DNAJC1: variants seen among roughly 807,000 people sequenced by gnomAD.
The protein encoded by DNAJC1 is DnaJ heat shock protein family (Hsp40) member C1, also known as dnaJ homolog subfamily C member 1.
In DNAJC1, 58 loss-of-function variants were observed where a neutral mutation model predicts 76.6. That is an observed-to-expected ratio of 0.76 (90% CI 0.61 to 0.94). DNAJC1 has a LOEUF of 0.94. Among genes scored for constraint, DNAJC1 ranks in the 40% least tolerant of loss-of-function variants. DNAJC1 has a pLI of 0.00. For synonymous variants in DNAJC1, 258 were observed against 267.9 expected (o/e 0.96, Z 0.36); for missense variants, 689 against 677.3 (o/e 1.02, Z -0.19).
intron 1 of DNAJC1, among the ~76,000 whole-genome samples, chr10:21,969,486 A>G (rs971957416): frequency 3.9e-5 from 6 of 152,206 alleles, no homozygotes; most frequent in Non-Finnish European, 2.9e-5. Context: ...ACTGAACACC[A>G]ATGACTGAGT....
At chr10:21,817,285 C>T (rs890152613) in intron 8 of DNAJC1, among the ~76,000 whole-genome samples, 3 of 151,276 alleles carry the variant, frequency 2.0e-5, no homozygotes, top group Non-Finnish European at 4.4e-5. Flanking sequence ...GTTTAAGATG[C>T]TCATCACAGC....
chr10:21,950,104 C>T (rs750733886), intron 1 of DNAJC1, among the ~76,000 whole-genome samples: 2 of 151,758 alleles, frequency 1.3e-5, no homozygotes, highest in Non-Finnish European at 2.9e-5. Flanking sequence ...TGGCACAATC[C>T]ACCTCACTTT....
intron 1 of DNAJC1, among the ~76,000 whole-genome samples, chr10:21,986,408 CTAT>C (rs1472138234): frequency 6.6e-6 from 1 of 152,234 alleles, no homozygotes; most frequent in Non-Finnish European, 1.5e-5. Flanking sequence ...ATAACTACTA[CTAT>C]TGAGTACCTT....
rs144529499 is a variant in DNAJC1, at chr10:21,887,517, T to C, written c.821-5078A>G. On this transcript the variant is annotated intron_variant, in intron 7 of 11. Coordinates refer to ENST00000376980, the MANE Select transcript of DNAJC1 (RefSeq NM_022365.4). ...ACAGGGCTACATAACCAAAACAGCA[T>C]GGTACTGGTACAAAAACAGGCACAT... Among the ~76,000 whole-genome samples, 280 of 152,224 alleles carry C rather than the reference T, an allele frequency of 1.8e-3. 1 individual carries two copies. The highest frequency in any genetic ancestry group is 6.2e-3 in the African/African-American group (259 of 41,544).
chr10:21,837,515 G>C (rs1369119363), intron 8 of DNAJC1, among the ~76,000 whole-genome samples: 4 of 151,430 alleles, frequency 2.6e-5, no homozygotes, highest in South Asian at 4.2e-4. Flanking sequence ...GAGCGCCTCT[G>C]CCCCACTGCC....
chr10:21,862,060 A>G (rs1176561316), intron 8 of DNAJC1, among the ~76,000 whole-genome samples: 2 of 152,004 alleles, frequency 1.3e-5, no homozygotes, highest in African/African-American at 4.8e-5. Context: ...CTAGGATTAC[A>G]GGCATGCACC....
rs186830962 is a variant in DNAJC1 at position 21,912,539 on chromosome 10, G to A, written c.729+6240C>T. Among the ~76,000 whole-genome samples, 337 of 152,132 alleles carry A rather than the reference G, an allele frequency of 2.2e-3. 3 individuals carry two copies. The highest frequency in any genetic ancestry group is 7.7e-3 in the African/African-American group (319 of 41,508). ...TGTATCCCTTTGTCCTGTAGCAGTA[G>A]TTTCAGCTTATAAAAATTCAGATGA... On this transcript the variant is annotated intron_variant, in intron 6 of 11. Coordinates refer to ENST00000376980, the MANE Select transcript of DNAJC1 (RefSeq NM_022365.4).
intron 1 of DNAJC1, among the ~76,000 whole-genome samples, chr10:21,951,588 C>T (rs1025819249): frequency 8.8e-5 from 13 of 147,146 alleles, no homozygotes; most frequent in Non-Finnish European, 2.0e-4. Flanking sequence ...AGTGCAAGTG[C>T]TTCACAGAAA....
chr10:21,896,356 C>T (rs993214086), intron 7 of DNAJC1, among the ~76,000 whole-genome samples: 4 of 152,182 alleles, frequency 2.6e-5, no homozygotes, highest in East Asian at 1.9e-4. Flanking sequence ...AGATGAAACA[C>T]GAAGTCAAAG....
chr10:21,862,892 G>T (rs1317570364), intron 8 of DNAJC1, among the ~76,000 whole-genome samples: 1 of 152,064 alleles, frequency 6.6e-6, no homozygotes, highest in Non-Finnish European at 1.5e-5. Flanking sequence ...CGGTACTTTG[G>T]GAGGCCAAGG....
intron 10 of DNAJC1, among the ~76,000 whole-genome samples, chr10:21,765,460 T>C (rs1349169125): frequency 6.6e-6 from 1 of 152,146 alleles, no homozygotes; most frequent in African/African-American, 2.4e-5. Context: ...GGTTGCAAAG[T>C]TTCTGAAGCA....
intron 1 of DNAJC1, among the ~76,000 whole-genome samples, chr10:21,997,853 A>C (rs992525081): frequency 6.6e-6 from 1 of 152,252 alleles, no homozygotes; most frequent in Non-Finnish European, 1.5e-5. Context: ...TTAGTTATAA[A>C]ACACGAGAGA....
At chr10:21,786,445 T>G (rs1204370092) in intron 9 of DNAJC1, among the ~76,000 whole-genome samples, 3 of 110,528 alleles carry the variant, frequency 2.7e-5, no homozygotes, top group Non-Finnish European at 5.6e-5. Context: ...TATATATATA[T>G]ATATATATAT....
chr10:21,999,123 A>C (rs1193354144), intron 1 of DNAJC1, among the ~76,000 whole-genome samples: 2 of 152,190 alleles, frequency 1.3e-5, no homozygotes, highest in African/African-American at 4.8e-5. Context: ...TAGGATATGG[A>C]TATCTCAAAA....
In DNAJC1 at chr10:21,892,550, T is replaced by C. The variant is rs961189574; in HGVS notation, c.821-10111A>G. Among the ~76,000 whole-genome samples, 4 of 151,996 alleles carry C rather than the reference T, an allele frequency of 2.6e-5. No individual in the cohort carries two copies. In the East Asian group the frequency reaches 7.7e-4, roughly 29 times the overall value. On this transcript the variant is annotated intron_variant, in intron 7 of 11. Coordinates refer to ENST00000376980, the MANE Select transcript of DNAJC1 (RefSeq NM_022365.4). ...ATATTAAATATAAACAGTTTAAATA[T>C]ACAAACCATTTAATACACACACACA...
chr10:21,958,656 C>T (rs1370242513), intron 1 of DNAJC1, among the ~76,000 whole-genome samples: 3 of 151,976 alleles, frequency 2.0e-5, no homozygotes, highest in African/African-American at 7.2e-5. Flanking sequence ...TCGATCTCCT[C>T]ACCTCGTGAT....
At chr10:21,991,028 T>C (rs1023498773) in intron 1 of DNAJC1, among the ~76,000 whole-genome samples, 7 of 152,168 alleles carry the variant, frequency 4.6e-5, no homozygotes, top group Non-Finnish European at 1.0e-4. Context: ...TGATTGGTAT[T>C]ATAAAGAGCC....
rs191908821 is a variant in DNAJC1 at position 21,909,975 on chromosome 10, G to A, written c.730-5363C>T. On this transcript the variant is annotated intron_variant, in intron 6 of 11. Coordinates refer to ENST00000376980, the MANE Select transcript of DNAJC1 (RefSeq NM_022365.4). The stretch of plus-strand genomic sequence containing the variant: ...ACAAATAGTAAATGCTGTAAAGTTA[G>A]TATGGAGAACATACAATGAGAATTT... Among the ~76,000 whole-genome samples, 4 of 152,302 alleles carry A rather than the reference G, an allele frequency of 2.6e-5. No individual in the cohort carries two copies. In the East Asian group the frequency reaches 5.8e-4, roughly 22 times the overall value.
intron 8 of DNAJC1, among the ~76,000 whole-genome samples, chr10:21,813,220 C>CTCTATATATATATA (rs1438462566): frequency 5.2e-5 from 1 of 19,088 alleles, no homozygotes; most frequent in Non-Finnish European, 8.7e-5. Flanking sequence ...CTCTCTCTCT[C>CTCTATATATATATA]TATATATATA....
Sources: gnomAD v4.1 joint callset for allele counts (sites outside exome capture counted in the v4.1 genomes callset) on GRCh38, gnomAD v4.1.1 for gene constraint, MANE v1.5 for transcripts, NCBI Gene and HGNC (gene_info 2026-07-23, HGNC 2026-07-21) for gene names.